Variants in GLRA1 observed in about 807,000 individuals in gnomAD.
GLRA1 encodes glycine receptor alpha 1, also known as glycine receptor subunit alpha-1.
In GLRA1, 37 loss-of-function variants were observed where a neutral mutation model predicts 48.3. The ratio of observed to expected loss-of-function variants is 0.77; its 90% CI spans 0.59 to 1.01. The LOEUF (loss-of-function observed/expected upper bound fraction) is 1.01, where lower values mean the gene tolerates loss of function less well. GLRA1 is among the 50% of genes least tolerant of loss of function. The pLI, the probability that GLRA1 is intolerant of heterozygous loss-of-function variation, is 0.00. For synonymous variants in GLRA1, 196 were observed against 210.7 expected (o/e 0.93, Z 0.60); for missense variants, 427 against 571.0 (o/e 0.75, Z 2.57).
chr5:151,886,628 C>T, intron 3 of GLRA1, 93 bp downstream of exon 3: 1 of 961,396 alleles, frequency 1.0e-6, no homozygotes, highest in Non-Finnish European at 1.7e-6. Flanking sequence ...AGCTGATTCC[C>T]CACTTCCTTG....
chr5:151,891,331 A>G (rs1754063706), intron 2 of GLRA1, among the ~76,000 whole-genome samples: 2 of 152,244 alleles, frequency 1.3e-5, no homozygotes, highest in South Asian at 4.1e-4. Flanking sequence ...AAGTTCCCAT[A>G]GGGTTATGAG....
chr5:151,921,718 T>C (rs2113467711), intron 1 of GLRA1, among the ~76,000 whole-genome samples: 1 of 152,302 alleles, frequency 6.6e-6, no homozygotes, highest in South Asian at 2.1e-4. Flanking sequence ...AAAATTTGCC[T>C]ATTATTTTTG....
chr5:151,909,919 G>A (rs1392776734), intron 1 of GLRA1, among the ~76,000 whole-genome samples: 2 of 152,002 alleles, frequency 1.3e-5, no homozygotes, highest in Admixed American at 1.3e-4. Flanking sequence ...TCATGAGTAG[G>A]AGTATTTTAT....
chr5:151,834,967 G>T (rs544417655), intron 7 of GLRA1, among the ~76,000 whole-genome samples: 95 of 143,188 alleles, frequency 6.6e-4, no homozygotes, highest in African/African-American at 2.2e-3. Flanking sequence ...AGTGGAGCTT[G>T]CAGTGAGCCA....
At chr5:151,828,332 T>C (rs761512730) in intron 8 of GLRA1, among the ~76,000 whole-genome samples, 7 of 152,202 alleles carry the variant, frequency 4.6e-5, no homozygotes, top group African/African-American at 9.6e-5. Context: ...ATGCTCCCCA[T>C]TGGCATTCTT....
intron 3 of GLRA1, among the ~76,000 whole-genome samples, chr5:151,871,084 A>G (rs1332866754): frequency 6.7e-6 from 1 of 149,450 alleles, no homozygotes; most frequent in African/African-American, 2.6e-5. Context: ...CATCCAGCAG[A>G]TGGTACCAAG....
intron 3 of GLRA1, chr5:151,875,758 C>T (rs2964605): frequency 0.99 from 151,254 of 152,544 alleles, 75,000 homozygotes; most frequent in Middle Eastern, 1. Context: ...CAGGATGAGG[C>T]GATACCCTTA....
chr5:151,834,431 A>AT (rs1763513844), intron 7 of GLRA1, among the ~76,000 whole-genome samples: 1 of 152,234 alleles, frequency 6.6e-6, no homozygotes, highest in African/African-American at 2.4e-5. Context: ...AACCAATGAT[A>AT]ACAAAGACAC....
At chr5:151,831,675 A>G (rs1428075749) in intron 7 of GLRA1, among the ~76,000 whole-genome samples, 1 of 152,186 alleles carries the variant, frequency 6.6e-6, no homozygotes, top group Non-Finnish European at 1.5e-5. Context: ...TAAAACTACC[A>G]ACTCTCTGGG....
intron 1 of GLRA1, among the ~76,000 whole-genome samples, chr5:151,892,933 C>A (rs1581650377): frequency 6.6e-6 from 1 of 152,178 alleles, no homozygotes; most frequent in African/African-American, 2.4e-5. Flanking sequence ...CATTCTGGAA[C>A]ACAAATTTTA....
intron 1 of GLRA1, among the ~76,000 whole-genome samples, chr5:151,897,383 A>G (rs1208768971): frequency 2.0e-5 from 3 of 152,206 alleles, no homozygotes; most frequent in Non-Finnish European, 4.4e-5. Context: ...GGAGCTGGGA[A>G]TGAATCTGAG....
chr5:151,913,119 C>T (rs1364600635), intron 1 of GLRA1, among the ~76,000 whole-genome samples: 1 of 152,110 alleles, frequency 6.6e-6, no homozygotes. Flanking sequence ...AGGAAATTAC[C>T]GTTTGTTAAG....
At chr5:151,885,147 G>A (rs1753865021) in intron 3 of GLRA1, among the ~76,000 whole-genome samples, 1 of 152,240 alleles carries the variant, frequency 6.6e-6, no homozygotes, top group Non-Finnish European at 1.5e-5. Context: ...ATTTCTGCCA[G>A]CCTGGGACTG....
At chr5:151,909,583 AATTT>A (rs1186474795) in intron 1 of GLRA1, among the ~76,000 whole-genome samples, 1 of 152,190 alleles carries the variant, frequency 6.6e-6, no homozygotes, top group Non-Finnish European at 1.5e-5. Flanking sequence ...ACTGTTATTT[AATTT>A]ATTTTTAATT....
intron 1 of GLRA1, among the ~76,000 whole-genome samples, chr5:151,917,146 G>A (rs61556983): frequency 0.016 from 2,476 of 152,254 alleles, 89 homozygotes; most frequent in African/African-American, 0.057. Flanking sequence ...TATGTCAGGC[G>A]TTCTCAGTCA....
intron 7 of GLRA1, among the ~76,000 whole-genome samples, chr5:151,842,967 A>C (rs971582799): frequency 1.3e-5 from 2 of 152,210 alleles, no homozygotes; most frequent in Admixed American, 1.3e-4. Context: ...TTAAAAATTA[A>C]ACTTAAAAAC....
chr5:151,871,957 A>G (rs1232191239), intron 3 of GLRA1, among the ~76,000 whole-genome samples: 1 of 149,792 alleles, frequency 6.7e-6, no homozygotes, highest in Non-Finnish European at 1.5e-5. Flanking sequence ...TTGTAAATGA[A>G]GAACAACAGA....
chr5:151,874,328 C>G (rs1321543549), intron 3 of GLRA1, among the ~76,000 whole-genome samples: 2 of 152,102 alleles, frequency 1.3e-5, no homozygotes, highest in African/African-American at 2.4e-5. Context: ...AATGGAAACC[C>G]AAATACCAAC....
At chr5:151,921,774 A>G (rs1754880917) in intron 1 of GLRA1, among the ~76,000 whole-genome samples, 1 of 152,224 alleles carries the variant, frequency 6.6e-6, no homozygotes, top group African/African-American at 2.4e-5. Flanking sequence ...AATAAGGGAA[A>G]ACATTTAGGT....
Sources: allele counts gnomAD v4.1 joint callset (sites outside exome capture counted in the v4.1 genomes callset), GRCh38; gene constraint gnomAD v4.1.1; transcripts MANE v1.5; gene names NCBI Gene and HGNC (gene_info 2026-07-23, HGNC 2026-07-21).